The following PTDSS1 variants were observed in gnomAD, a reference collection of about 807,000 sequenced individuals.
PTDSS1 encodes the protein PSS-1.
In PTDSS1, 45 loss-of-function variants were observed where a neutral mutation model predicts 70.5. That is an observed-to-expected ratio of 0.64 (90% CI 0.50 to 0.82). The LOEUF is 0.82. PTDSS1 is among the 40% of genes least tolerant of loss of function. The pLI is 0.00. For missense variants in PTDSS1, 417 were observed against 586.1 expected, an observed-to-expected ratio of 0.71 and a Z score of 2.98; for synonymous variants, 188 against 203.8, an observed-to-expected ratio of 0.92 and a Z score of 0.66.
Position 96,304,126 on chromosome 8 carries a change from C to G in PTDSS1, c.839C>G (p.Pro280Arg). The change falls in exon 7 of 13, where the codon CCC (proline) becomes CGC (arginine). Residue 280 changes from proline (P) to arginine (R), a missense_variant. By Grantham distance (103) the Pro-to-Arg change is moderately radical. This residue lies in a region of PTDSS1 where 272 missense variants were observed against 429.5 expected (regional missense o/e 0.63). Coordinates refer to ENST00000517309, the MANE Select transcript of PTDSS1 (RefSeq NM_014754.3). The part of the protein sequence containing the change: ...ASWTYVRWFD[P>R]KSSFQRVAGV... ...TGGACCTATGTTCGATGGTTTGACC[C>G]CAAATCTTCTTTTCAGAGAGTAGCT... 2 of 1,613,872 alleles carry G rather than the reference C, an allele frequency of 1.2e-6. No individual in the cohort carries two copies. Among genetic ancestry groups the G allele is most frequent in the Non-Finnish European group, 1.7e-6 (2 of 1,179,924 alleles).
chr8:96,272,239 G>A (rs1231528633), intron 1 of PTDSS1, among the ~76,000 whole-genome samples: 3 of 151,702 alleles, frequency 2.0e-5, no homozygotes, highest in African/African-American at 7.3e-5. Context: ...ATTGTTGATT[G>A]TTTTGTTTTG....
chr8:96,272,354 T>C (rs1397364852), intron 1 of PTDSS1, among the ~76,000 whole-genome samples: 1 of 152,196 alleles, frequency 6.6e-6, no homozygotes, highest in Non-Finnish European at 1.5e-5. Flanking sequence ...AATATATTTA[T>C]TATAAAGTAT....
chr8:96,303,958 A>C, intron 6 of PTDSS1, 82 bp from the exon 7 acceptor site: 1 of 1,365,884 alleles, frequency 7.3e-7, no homozygotes, highest in Non-Finnish European at 1.0e-6. Flanking sequence ...AAAAATCATC[A>C]GTGCACAGGA....
chr8:96,290,534 T>G (rs933322462), intron 4 of PTDSS1, among the ~76,000 whole-genome samples: 5 of 152,236 alleles, frequency 3.3e-5, no homozygotes, highest in Non-Finnish European at 7.3e-5. Flanking sequence ...AAATCTTTCT[T>G]GCCAAAGTAA....
intron 1 of PTDSS1, among the ~76,000 whole-genome samples, chr8:96,271,918 T>G (rs568661862): frequency 1.3e-5 from 2 of 151,816 alleles, no homozygotes; most frequent in Non-Finnish European, 2.9e-5. Context: ...ATGAGTGAGG[T>G]TGACCATCTT....
intron 6 of PTDSS1, 84 bp from the exon 7 acceptor site, chr8:96,303,956 T>C: frequency 1.5e-6 from 2 of 1,369,016 alleles, no homozygotes; most frequent in Non-Finnish European, 2.0e-6. Context: ...ATAAAAATCA[T>C]CAGTGCACAG....
intron 1 of PTDSS1, among the ~76,000 whole-genome samples, chr8:96,270,550 G>A (rs1333105286): frequency 6.6e-6 from 1 of 152,044 alleles, no homozygotes; most frequent in Non-Finnish European, 1.5e-5. Context: ...AATGAGGTGG[G>A]GACACCCTCT....
intron 10 of PTDSS1, among the ~76,000 whole-genome samples, chr8:96,322,366 C>T (rs962706465): frequency 2.0e-5 from 3 of 152,036 alleles, no homozygotes; most frequent in African/African-American, 7.2e-5. Context: ...GAGCGTGGTA[C>T]CAGTATCTGG....
chr8:96,284,001 G>T (rs147049133), intron 2 of PTDSS1, 108 bp from the exon 3 acceptor site: 1 of 852,042 alleles, frequency 1.2e-6, no homozygotes, highest in Non-Finnish European at 1.8e-6. Flanking sequence ...ACTTTTAACA[G>T]TAGAGAGCTT....
chr8:96,270,598 C>A (rs541098982), intron 1 of PTDSS1, among the ~76,000 whole-genome samples: 10 of 152,298 alleles, frequency 6.6e-5, no homozygotes, highest in Admixed American at 5.9e-4. Flanking sequence ...GACATTGGGG[C>A]CTTTAGTCTG....
At chr8:96,327,263 G>T (rs1329854004) in intron 10 of PTDSS1, among the ~76,000 whole-genome samples, 1 of 152,176 alleles carries the variant, frequency 6.6e-6, no homozygotes, top group African/African-American at 2.4e-5. Context: ...CTCTGGGAGA[G>T]GAGCTGACTG....
At chr8:96,289,959 C>T (rs868268896) in intron 4 of PTDSS1, among the ~76,000 whole-genome samples, 14 of 151,964 alleles carry the variant, frequency 9.2e-5, no homozygotes, top group Non-Finnish European at 7.4e-5. Flanking sequence ...ATGCAGATGA[C>T]GGTTATGAGA....
chr8:96,279,818 CAAATAAAT>C (rs10615614), intron 2 of PTDSS1, among the ~76,000 whole-genome samples: 38 of 148,588 alleles, frequency 2.6e-4, no homozygotes, highest in East Asian at 4.0e-4. Flanking sequence ...TACTCCATCT[CAAATAAAT>C]AAATAAATAA....
At chr8:96,325,436 G>T (rs879726778) in intron 10 of PTDSS1, among the ~76,000 whole-genome samples, 3 of 152,206 alleles carry the variant, frequency 2.0e-5, no homozygotes, top group Non-Finnish European at 4.4e-5. Context: ...TTAGTGATAT[G>T]TGAGCAGGAT....
At position 96,262,040 on chromosome 8, in the gene PTDSS1, C is replaced by A; in HGVS notation, c.-1C>A. On this transcript the variant is annotated 5_prime_UTR_variant, in exon 1 of 13. Coordinates refer to ENST00000517309, the MANE Select transcript of PTDSS1 (RefSeq NM_014754.3). The surrounding 1 kb of genome is among the most constrained non-coding windows in gnomAD (Gnocchi z 4.4). The stretch of plus-strand genomic sequence containing the variant: ...ACCGCGGCAGGACGGGGAGGCGGGC[C>A]ATGGCGTCCTGCGTGGGGAGCCGGA... 2 of 1,611,582 alleles carry A rather than the reference C, an allele frequency of 1.2e-6. No homozygotes were observed. The highest frequency in any genetic ancestry group is 1.7e-6 in the Non-Finnish European group (2 of 1,178,762).
In PTDSS1 at chr8:96,333,828, G is replaced by C. The variant is rs1305682900; in HGVS notation, c.*262G>C. ...GACATGCGGTCACCGGTGGCAGCGC[G>C]GTGTGTTGAAGGGAAACGGTAGCTA... is the stretch of plus-strand genomic sequence containing the variant. On this transcript the variant is annotated 3_prime_UTR_variant, in exon 13 of 13. Transcript: ENST00000517309. 1 of 681,384 alleles carries C rather than the reference G, an allele frequency of 1.5e-6. No homozygotes were observed. The highest frequency in any genetic ancestry group is 2.7e-6 in the Non-Finnish European group (1 of 375,956). 42.2% of individuals were successfully genotyped at this position (681,384 alleles called of 1,614,324 possible).
In PTDSS1 at chr8:96,335,264, T is replaced by A. The variant is rs1811578876; in HGVS notation, c.*1698T>A. Reference sequence around the variant, plus strand: ...TATAACCCATCAAAGAGGCCATTTTTAAACACAGGTACAATTTAAACATGA... The same window carrying A: ...TATAACCCATCAAAGAGGCCATTTTAAAACACAGGTACAATTTAAACATGA... On this transcript the variant is annotated 3_prime_UTR_variant, in exon 13 of 13. Transcript: ENST00000517309. 1 of 152,262 alleles carries A rather than the reference T, an allele frequency of 6.6e-6. No homozygotes were observed. Among genetic ancestry groups the A allele is most frequent in the Non-Finnish European group, 1.5e-5 (1 of 68,046 alleles). 9.4% of individuals were successfully genotyped at this position (152,262 alleles called of 1,614,324 possible).
At position 96,267,188 on chromosome 8, in the gene PTDSS1, T is replaced by A. The variant is rs192304946; in HGVS notation, c.179+4969T>A. ...GTAGAGAAGTTACAGTTTTTCAGTC[T>A]TAACTAATCCCAGAACGAGGACTAG... is the stretch of plus-strand genomic sequence containing the variant. On this transcript the variant is annotated intron_variant, in intron 1 of 12. Transcript: ENST00000517309. Among the ~76,000 whole-genome samples the A allele has an allele frequency of 4.6e-5, 7 of 152,372 alleles. No homozygotes were observed. In the East Asian group the frequency reaches 1.2e-3, roughly 25 times the overall value.
Position 96,330,535 on chromosome 8 carries a change from AG to A in PTDSS1, c.1242+255del. The A allele has an allele frequency of 1.7e-5, 8 of 484,760 alleles. No individual in the cohort carries two copies. In the South Asian group the frequency reaches 1.9e-4, roughly 12 times the overall value. The allele number at this position is 484,760 out of a possible 1,614,324, so 30.0% of individuals were successfully genotyped here. A position where few individuals can be genotyped will look rare whatever the true frequency, so the allele number is the denominator to read the frequency against. On this transcript the variant is annotated intron_variant, in intron 11 of 12. Transcript: ENST00000517309. The stretch of plus-strand genomic sequence containing the variant: ...GATAAAAAAAGTTATGTTTGTTTGG[AG>A]AAAAAAAGAAAAGTGATGGGAAAGC...
Sources: gnomAD v4.1 joint callset for allele counts (sites outside exome capture counted in the v4.1 genomes callset) on GRCh38, gnomAD v4.1.1 for gene constraint, gnomAD v4.1.1 regional missense constraint, Gnocchi (gnomAD v3.1) non-coding constraint, MANE v1.5 for transcripts, NCBI Gene and HGNC (gene_info 2026-07-23, HGNC 2026-07-21) for gene names.